RAB4B: variants seen among roughly 807,000 people sequenced by gnomAD.
The protein encoded by RAB4B is RAB4B, member RAS oncogene family, also known as ras-related protein Rab-4B.
A neutral mutation model predicts 28.3 loss-of-function variants in RAB4B; 15 were observed. The observed-to-expected ratio is 0.53, with a 90% CI of 0.35 to 0.82. The LOEUF is 0.82. Ranked by LOEUF, RAB4B falls within the 40% of genes least tolerant of loss-of-function variation. The pLI is 0.01. For synonymous variants in RAB4B, 108 were observed against 116.3 expected (o/e 0.93, Z 0.46); for missense variants, 244 against 288.5 (o/e 0.85, Z 1.12).
chr19:40,795,169 C>CAAAA (rs1167818145), intron 7 of RAB4B, among the ~76,000 whole-genome samples: 2 of 60,358 alleles, frequency 3.3e-5, no homozygotes, highest in South Asian at 5.9e-4. Flanking sequence ...GCTCCATCTC[C>CAAAA]AAAAAAAAAA....
rs2083214061 is a variant in RAB4B, at chr19:40,796,869, C to G, written c.*315C>G. ...AACTCCCCATCTGGCCCTGCTGTTG[C>G]TAGTACCTGTTATTTATTACCTGGA... is the stretch of plus-strand genomic sequence containing the variant. On this transcript the variant is annotated 3_prime_UTR_variant, in exon 8 of 8. Coordinates refer to ENST00000357052, the MANE Select transcript of RAB4B (RefSeq NM_016154.5). The G allele has an allele frequency of 6.5e-6, 1 of 152,916 alleles. No homozygotes were observed. The highest frequency in any genetic ancestry group is 1.5e-5 in the Non-Finnish European group (1 of 68,266). 9.5% of individuals were successfully genotyped at this position (152,916 alleles called of 1,614,324 possible). A position where few individuals can be genotyped will look rare whatever the true frequency, so the allele number is the denominator to read the frequency against.
At chr19:40,782,369 A>C (rs2083057173) in intron 3 of RAB4B, among the ~76,000 whole-genome samples, 1 of 151,968 alleles carries the variant, frequency 6.6e-6, no homozygotes. Flanking sequence ...AAGGATAAGC[A>C]GATGTTGTAT....
At chr19:40,779,871 C>T (rs2083030638) in intron 1 of RAB4B, 148 bp from the exon 2 acceptor site, 2 of 1,517,160 alleles carry the variant, frequency 1.3e-6, no homozygotes, top group East Asian at 4.8e-5. Context: ...TTATCTGTTA[C>T]TGTTACCTAT....
At chr19:40,787,040 G>C in intron 7 of RAB4B, 62 bp downstream of exon 7, 1 of 1,349,304 alleles carries the variant, frequency 7.4e-7, no homozygotes, top group Non-Finnish European at 1.0e-6. Context: ...AGATGGTGTG[G>C]AGATAGACAC....
chr19:40,783,166 A>AAAAAAAG (rs2083065982), intron 3 of RAB4B, among the ~76,000 whole-genome samples: 1 of 150,712 alleles, frequency 6.6e-6, no homozygotes, highest in African/African-American at 2.4e-5. Context: ...AAAAAAAAAA[A>AAAAAAAG]AAAAAAGAAA....
chr19:40,795,738 G>A lies in RAB4B; in HGVS notation c.*16-832G>A, dbSNP rs1013919308. ...TTTATTTATTTTGAGATGGAGTTTC[G>A]CTCTTGTTGCCCAGGTTGGAGTGCA... On this transcript the variant is annotated intron_variant, in intron 7 of 7. Coordinates refer to ENST00000357052, the MANE Select transcript of RAB4B (RefSeq NM_016154.5). Among the ~76,000 whole-genome samples the A allele has an allele frequency of 4.7e-5, 7 of 148,452 alleles. No homozygotes were observed. The East Asian group carries it at 1.2e-3, about 25-fold the overall frequency.
At chr19:40,781,825 T>G (rs955874592) in intron 3 of RAB4B, among the ~76,000 whole-genome samples, 2 of 151,650 alleles carry the variant, frequency 1.3e-5, no homozygotes, top group South Asian at 4.2e-4. Context: ...ATCGAGACCA[T>G]CCTGGCTAAC....
chr19:40,789,618 C>T (rs902986513), intron 7 of RAB4B, among the ~76,000 whole-genome samples: 2 of 151,984 alleles, frequency 1.3e-5, no homozygotes, highest in Non-Finnish European at 2.9e-5. Flanking sequence ...ATTCTCCTGC[C>T]TCAGTCTCCC....
Position 40,796,886 on chromosome 19 carries a change from T to C in RAB4B, c.*332T>C, listed in dbSNP as rs2083214110. On this transcript the variant is annotated 3_prime_UTR_variant, in exon 8 of 8. Transcript: ENST00000357052. ...TGCTGTTGCTAGTACCTGTTATTTA[T>C]TACCTGGAGGCCTGTCCAGCACCCA... 6.5e-6 allele frequency: 1 copy of C among 152,764 alleles called. No individual in the cohort carries two copies. The highest frequency in any genetic ancestry group is 2.4e-5 in the African/African-American group (1 of 41,430). 9.5% of individuals were successfully genotyped at this position (152,764 alleles called of 1,614,324 possible). A position where few individuals can be genotyped will look rare whatever the true frequency, so the allele number is the denominator to read the frequency against.
At chr19:40,779,771 A>G in intron 1 of RAB4B, 4 of 932,840 alleles carry the variant, frequency 4.3e-6, no homozygotes, top group Non-Finnish European at 5.7e-6. Context: ...CGACAAAAAA[A>G]CCCCTGCACA....
Position 40,783,992 on chromosome 19 carries a change from T to G in RAB4B, c.347T>G (p.Val116Gly). ...ACCCTGGCCAGCCCCAACATCGTGGTCATCCTCTGTGGCAACAAGAAGGAC... is the reference window on the plus strand; with the variant it reads ...ACCCTGGCCAGCCCCAACATCGTGGGCATCCTCTGTGGCAACAAGAAGGAC... ...ARTLASPNIV[V>G]ILCGNKKDLD... Residue 116 changes from valine (V) to glycine (G), a missense_variant, in exon 5 of 8, where the codon GTC (valine) becomes GGC (glycine). Physicochemically the swap from Val to Gly is moderately radical, Grantham distance 109 (BLOSUM62 -3). Coordinates refer to ENST00000357052, the MANE Select transcript of RAB4B (RefSeq NM_016154.5). 1 of 1,614,166 alleles carries G rather than the reference T, an allele frequency of 6.2e-7. No individual in the cohort carries two copies. The highest frequency in any genetic ancestry group is 8.5e-7 in the Non-Finnish European group (1 of 1,180,008).
At chr19:40,796,113 C>T (rs1006940101) in intron 7 of RAB4B, 2 of 152,430 alleles carry the variant, frequency 1.3e-5, no homozygotes, top group Non-Finnish European at 2.9e-5. Context: ...GATGTTCCCA[C>T]CTCAGCCCCC....
chr19:40,780,627 T>C lies in RAB4B; in HGVS notation c.212+128T>C, dbSNP rs1394294158. The C allele has an allele frequency of 4.2e-6, 3 of 718,158 alleles. No individual in the cohort carries two copies. The African/African-American group carries it at 5.3e-5, about 13-fold the overall frequency. 44.5% of individuals were successfully genotyped at this position (718,158 alleles called of 1,614,324 possible). ...GCAGACAGAGAGAGATGAGACACCG[T>C]AGTTAGCAGGTATATATATCCAAGG... On this transcript the variant is annotated intron_variant, in intron 3 of 7. Transcript: ENST00000357052.
chr19:40,781,851 C>T (rs1369781414), intron 3 of RAB4B, among the ~76,000 whole-genome samples: 1 of 151,912 alleles, frequency 6.6e-6, no homozygotes, highest in Non-Finnish European at 1.5e-5. Context: ...GAAACCCCGT[C>T]TCTACTAAAA....
Position 40,780,083 on chromosome 19 carries a change from G to A in RAB4B, c.81G>A (p.Gln27=), listed in dbSNP as rs779874554. The part of the protein sequence containing the change: ...AGTGKSCLLH[Q]FIENKFKQDS... ...CTGGCAAATCATGTCTCCTTCATCA[G>A]TTCATTGAGAATAAGTGTGAGTTTC... is the stretch of plus-strand genomic sequence containing the variant. The change falls in exon 2 of 8, where the codon CAG becomes CAA. Residue 27 remains glutamine (Q), a synonymous_variant. Coordinates refer to ENST00000357052, the MANE Select transcript of RAB4B (RefSeq NM_016154.5). 9 of 1,612,250 alleles carry A rather than the reference G, an allele frequency of 5.6e-6. 1 individual carries two copies. In the South Asian group the frequency reaches 8.8e-5, roughly 16 times the overall value.
chr19:40,786,603 G>T, intron 5 of RAB4B, 62 bp from the exon 6 acceptor site: 1 of 1,603,294 alleles, frequency 6.2e-7, no homozygotes. Flanking sequence ...GTCAGCAGGT[G>T]AGAGCTCAGT....
chr19:40,785,287 C>G (rs1478059444), intron 5 of RAB4B, among the ~76,000 whole-genome samples: 1 of 136,700 alleles, frequency 7.3e-6, no homozygotes, highest in African/African-American at 2.9e-5. Context: ...AGGAGCATCA[C>G]TTGAGATCAG....
chr19:40,778,976 G>A, intron 1 of RAB4B: 1 of 985,950 alleles, frequency 1.0e-6, no homozygotes, highest in Non-Finnish European at 1.2e-6. Context: ...GGCAGGGGAA[G>A]TGCAGGTTTA....
At chr19:40,783,456 T>C (rs557863868) in intron 3 of RAB4B, among the ~76,000 whole-genome samples, 1 of 151,332 alleles carries the variant, frequency 6.6e-6, no homozygotes, top group Admixed American at 6.6e-5. Context: ...AAATAAAAAA[T>C]AAGACACACA....
Sources: gnomAD v4.1 joint callset for allele counts (sites outside exome capture counted in the v4.1 genomes callset) on GRCh38, gnomAD v4.1.1 for gene constraint, MANE v1.5 for transcripts, NCBI Gene and HGNC (gene_info 2026-07-23, HGNC 2026-07-21) for gene names.